Variants in PTPRD observed in about 807,000 individuals in gnomAD.
PTPRD encodes the protein receptor-type tyrosine-protein phosphatase delta.
In PTPRD, 34 loss-of-function variants were observed where a neutral mutation model predicts 214.5. The observed-to-expected ratio is 0.16, with a 90% CI of 0.12 to 0.21. The LOEUF is 0.21. Ranked by LOEUF, PTPRD falls within the 10% of genes least tolerant of loss-of-function variation. The pLI, the probability that PTPRD is intolerant of heterozygous loss-of-function variation, is 1.00. For missense variants in PTPRD, 2,545 were observed against 2,398.7 expected (o/e 1.06, Z -1.27); for synonymous variants, 1,128 against 845.7 (o/e 1.33, Z -5.79).
intron 3 of PTPRD, among the ~76,000 whole-genome samples, chr9:10,158,773 G>C (rs1484626001): frequency 6.6e-6 from 1 of 152,132 alleles, no homozygotes; most frequent in Admixed American, 6.5e-5. Context: ...ATGAGATTGA[G>C]ATGGGCAACC....
chr9:9,672,593 T>C (rs960316596), intron 7 of PTPRD, among the ~76,000 whole-genome samples: 1 of 152,080 alleles, frequency 6.6e-6, no homozygotes, highest in African/African-American at 2.4e-5. Flanking sequence ...ATCTGAACAT[T>C]TGTACTTAGC....
chr9:9,964,565 G>A (rs771712852), intron 4 of PTPRD, among the ~76,000 whole-genome samples: 8 of 152,198 alleles, frequency 5.3e-5, no homozygotes, highest in African/African-American at 1.2e-4. Context: ...TCCTCTTGAC[G>A]TGGGTTAGGA....
Position 8,951,498 on chromosome 9 carries a change from A to T in PTPRD, c.-104+67199T>A, listed in dbSNP as rs182159221. Among the ~76,000 whole-genome samples the T allele has an allele frequency of 9.2e-5, 14 of 151,978 alleles. No homozygotes were observed. In the East Asian group the frequency reaches 2.7e-3, roughly 29 times the overall value. ...GAAATCTAGATTCATGTAGCTGACA[A>T]TATACTTGATTTTTCTACTTTGTTA... On this transcript the variant is annotated intron_variant, in intron 11 of 45. Transcript: ENST00000381196.
chr9:8,822,784 G>C (rs1378839009), intron 11 of PTPRD, among the ~76,000 whole-genome samples: 1 of 152,082 alleles, frequency 6.6e-6, no homozygotes, highest in Non-Finnish European at 1.5e-5. Context: ...AACAGAACTG[G>C]AATCCAATTC....
intron 14 of PTPRD, among the ~76,000 whole-genome samples, chr9:8,582,339 G>C (rs2093239531): frequency 6.6e-6 from 1 of 152,148 alleles, no homozygotes. Flanking sequence ...ATTACCTTGA[G>C]TCAGAATATT....
At chr9:9,881,174 T>A (rs1049860319) in intron 5 of PTPRD, among the ~76,000 whole-genome samples, 1 of 152,150 alleles carries the variant, frequency 6.6e-6, no homozygotes, top group Non-Finnish European at 1.5e-5. Flanking sequence ...AATTAGTAGT[T>A]TTTTTTAATT....
intron 8 of PTPRD, among the ~76,000 whole-genome samples, chr9:9,502,497 G>C (rs956412593): frequency 2.0e-5 from 3 of 151,856 alleles, no homozygotes; most frequent in Non-Finnish European, 1.5e-5. Flanking sequence ...TTTCTGTTTT[G>C]AGTGTAAAAT....
chr9:10,082,840 A>ACACAAACACAC (rs1555566891), intron 3 of PTPRD, among the ~76,000 whole-genome samples: 35 of 128,298 alleles, frequency 2.7e-4, no homozygotes, highest in East Asian at 4.3e-4. Context: ...CACACACACA[A>ACACAAACACAC]ACACACACAC....
At chr9:9,743,770 A>ACACACACACACACAC (rs371763537) in intron 6 of PTPRD, among the ~76,000 whole-genome samples, 3 of 145,264 alleles carry the variant, frequency 2.1e-5, no homozygotes, top group South Asian at 4.2e-4. Context: ...ACACACACAC[A>ACACACACACACACAC]ATTTATACTG....
chr9:9,813,956 T>A (rs1050129063), intron 5 of PTPRD, among the ~76,000 whole-genome samples: 5 of 152,174 alleles, frequency 3.3e-5, no homozygotes, highest in African/African-American at 4.8e-5. Flanking sequence ...TTCACCATAA[T>A]CAAGTGGGAT....
Position 10,289,042 on chromosome 9 carries a change from C to A in PTPRD, c.-545+51921G>T, listed in dbSNP as rs1052734367. ...TGGAGAGTTTTTTTTTTTTTTATTT[C>A]TTTTTGTTTCTCTTTTATATTCTCT... On this transcript the variant is annotated intron_variant, in intron 3 of 45. Coordinates refer to ENST00000381196, the MANE Select transcript of PTPRD (RefSeq NM_002839.4). Among the ~76,000 whole-genome samples, 13 of 145,938 alleles carry A rather than the reference C, an allele frequency of 8.9e-5. No individual in the cohort carries two copies. The East Asian group carries it at 1.8e-3, about 21-fold the overall frequency.
At chr9:8,899,877 C>T (rs1441934159) in intron 11 of PTPRD, among the ~76,000 whole-genome samples, 2 of 152,152 alleles carry the variant, frequency 1.3e-5, no homozygotes, top group Non-Finnish European at 2.9e-5. Context: ...ATTCAAAGAG[C>T]AACAAGTATT....
intron 3 of PTPRD, among the ~76,000 whole-genome samples, chr9:10,203,889 G>C (rs1393541505): frequency 1.3e-5 from 2 of 152,160 alleles, no homozygotes; most frequent in Middle Eastern, 3.4e-3. Flanking sequence ...ATAAAGATTA[G>C]AGAAAACAAA....
intron 2 of PTPRD, among the ~76,000 whole-genome samples, chr9:10,493,221 C>T (rs1214933148): frequency 2.6e-5 from 4 of 152,098 alleles, no homozygotes; most frequent in Non-Finnish European, 5.9e-5. Context: ...CTACCATTGA[C>T]TTTCTTCACA....
chr9:8,364,407 C>G (rs2079259212), intron 39 of PTPRD, among the ~76,000 whole-genome samples: 1 of 152,224 alleles, frequency 6.6e-6, no homozygotes, highest in African/African-American at 2.4e-5. Context: ...CTCTTTGCTT[C>G]CTACTTTATC....
chr9:8,465,952 T>C (rs1224938294), intron 31 of PTPRD, among the ~76,000 whole-genome samples: 1 of 151,884 alleles, frequency 6.6e-6, no homozygotes, highest in Non-Finnish European at 1.5e-5. Context: ...TTTCATTTCC[T>C]ACACTAATGA....
chr9:10,362,804 C>T (rs1487905178), intron 2 of PTPRD, among the ~76,000 whole-genome samples: 4 of 152,084 alleles, frequency 2.6e-5, no homozygotes, highest in African/African-American at 4.8e-5. Flanking sequence ...CGCTTGAACC[C>T]GGGAGGTGGA....
At chr9:8,385,281 C>T (rs1317874706) in intron 37 of PTPRD, among the ~76,000 whole-genome samples, 1 of 152,178 alleles carries the variant, frequency 6.6e-6, no homozygotes, top group Non-Finnish European at 1.5e-5. Flanking sequence ...AGTCCAAACA[C>T]TTTGGGGGGC....
At chr9:9,090,860 AT>A (rs1348068259) in intron 10 of PTPRD, 2 of 884,258 alleles carry the variant, frequency 2.3e-6, no homozygotes, top group Non-Finnish European at 3.8e-6. Flanking sequence ...CAGGTTAAAA[AT>A]TTCTTTAAAT....
Sources: allele counts gnomAD v4.1 joint callset (sites outside exome capture counted in the v4.1 genomes callset), GRCh38; gene constraint gnomAD v4.1.1; transcripts MANE v1.5; gene names NCBI Gene and HGNC (gene_info 2026-07-23, HGNC 2026-07-21).